THBS4: variants seen among roughly 807,000 people sequenced by gnomAD.
THBS4 encodes thrombospondin 4.
In THBS4, 90 loss-of-function variants were observed where a neutral mutation model predicts 115.7. That is an observed-to-expected ratio of 0.78 (90% CI 0.66 to 0.93). The LOEUF (loss-of-function observed/expected upper bound fraction) is 0.93. THBS4 is among the 40% of genes least tolerant of loss of function. THBS4 has a pLI of 0.00. For missense variants in THBS4, 1,087 were observed against 1,232.7 expected, an observed-to-expected ratio of 0.88 and a Z score of 1.77; for synonymous variants, 460 against 479.3, an observed-to-expected ratio of 0.96 and a Z score of 0.53.
intron 8 of THBS4, among the ~76,000 whole-genome samples, chr5:80,062,551 ATACTTT>A (rs1833671270): frequency 6.6e-6 from 1 of 152,196 alleles, no homozygotes; most frequent in South Asian, 2.1e-4. Flanking sequence ...AGTTATTGTT[ATACTTT>A]AAGTTCTAGG....
intron 1 of THBS4, among the ~76,000 whole-genome samples, chr5:80,037,160 C>T (rs1832745881): frequency 6.6e-6 from 1 of 152,132 alleles, no homozygotes; most frequent in Admixed American, 6.5e-5. Flanking sequence ...ACGTTCTTGA[C>T]TTTTGAACAT....
chr5:80,082,974 G>T (rs1479411710), intron 21 of THBS4, 106 bp from the exon 22 acceptor site: 1 of 660,366 alleles, frequency 1.5e-6, no homozygotes, highest in East Asian at 4.8e-5. Context: ...GGGCGTCCTG[G>T]GCGGGCTAAC....
chr5:80,005,037 C>CA (rs201419028), intron 2 of THBS4, among the ~76,000 whole-genome samples: 76 of 150,692 alleles, frequency 5.0e-4, no homozygotes, highest in Admixed American at 1.8e-3. Flanking sequence ...CACGCCCAGC[C>CA]AAAAAAAACA....
At chr5:80,067,261 C>G (rs1269720634) in intron 9 of THBS4, 1 of 152,016 alleles carries the variant, frequency 6.6e-6, no homozygotes, top group Non-Finnish European at 1.5e-5. Context: ...ATACGTATAT[C>G]ACATCATCAC....
At chr5:79,997,076 G>C (rs7707036) in intron 1 of THBS4, among the ~76,000 whole-genome samples, 1 of 150,452 alleles carries the variant, frequency 6.6e-6, no homozygotes, top group Non-Finnish European at 1.5e-5. Flanking sequence ...AGAAAGCAAG[G>C]GGCCAGCAGG....
At chr5:80,003,449 T>C (rs1831949912) in intron 2 of THBS4, among the ~76,000 whole-genome samples, 1 of 152,152 alleles carries the variant, frequency 6.6e-6, no homozygotes, top group Non-Finnish European at 1.5e-5. Context: ...GGTCACATCA[T>C]GCTGTTTTCC....
At chr5:80,045,342 G>A (rs1166556999) in intron 2 of THBS4, among the ~76,000 whole-genome samples, 2 of 152,152 alleles carry the variant, frequency 1.3e-5, no homozygotes, top group African/African-American at 4.8e-5. Context: ...TGACCAGAGA[G>A]TGTCAGTGAA....
At chr5:80,009,005 A>G (rs1832071082) in intron 2 of THBS4, among the ~76,000 whole-genome samples, 1 of 152,210 alleles carries the variant, frequency 6.6e-6, no homozygotes, top group Admixed American at 6.5e-5. Context: ...ACCAATGGAA[A>G]TGGCTGAGGA....
intron 2 of THBS4, among the ~76,000 whole-genome samples, chr5:80,019,041 G>GTTTTTTTTTTTT (rs537532061): frequency 5.2e-5 from 7 of 135,012 alleles, no homozygotes; most frequent in Non-Finnish European, 9.7e-5. Context: ...CTCTGTGATT[G>GTTTTTTTTTTTT]TTTTTTTTTT....
chr5:80,072,027 C>T (rs896794713), intron 13 of THBS4: 5 of 433,928 alleles, frequency 1.2e-5, no homozygotes, highest in African/African-American at 2.0e-5. Context: ...ATCCCCTCCT[C>T]GTGGTTGCTA....
chr5:80,018,389 C>CTTTTTTTTT (rs35373315), intron 2 of THBS4, among the ~76,000 whole-genome samples: 1 of 100,004 alleles, frequency 1.0e-5, no homozygotes, highest in African/African-American at 4.3e-5. Context: ...TTCAAATATA[C>CTTTTTTTTT]TTTTTTTTTT....
chr5:80,064,048 C>G (rs1016578640), intron 8 of THBS4, among the ~76,000 whole-genome samples: 7 of 152,158 alleles, frequency 4.6e-5, no homozygotes, highest in African/African-American at 1.7e-4. Context: ...AGGCCTAACA[C>G]CCCTGCATAA....
intron 1 of THBS4, among the ~76,000 whole-genome samples, chr5:79,997,237 G>A (rs1162749433): frequency 8.5e-5 from 13 of 152,072 alleles, no homozygotes; most frequent in Non-Finnish European, 1.2e-4. Context: ...TTAAAAGACA[G>A]AAATTGGCAG....
intron 1 of THBS4, among the ~76,000 whole-genome samples, chr5:80,038,306 G>T (rs941744563): frequency 6.6e-6 from 1 of 151,514 alleles, no homozygotes; most frequent in Non-Finnish European, 1.5e-5. Context: ...ATGGAATTAC[G>T]TTATACATAT....
intron 16 of THBS4, 98 bp from the exon 17 acceptor site, chr5:80,077,951 T>C: frequency 9.4e-7 from 1 of 1,069,000 alleles, no homozygotes; most frequent in Non-Finnish European, 1.3e-6. Flanking sequence ...TTGTGGGAGC[T>C]TGAGCCCTTC....
chr5:80,082,941 G>A, intron 21 of THBS4, 139 bp from the exon 22 acceptor site: 1 of 776,790 alleles, frequency 1.3e-6, no homozygotes, highest in Non-Finnish European at 2.2e-6. Context: ...GCCTGCAGGA[G>A]AAAATGGCGG....
At chr5:80,012,719 C>G (rs1013259116) in intron 2 of THBS4, among the ~76,000 whole-genome samples, 1 of 152,144 alleles carries the variant, frequency 6.6e-6, no homozygotes, top group Non-Finnish European at 1.5e-5. Context: ...TCTGAGTGTC[C>G]CCACACCAAA....
At chr5:80,033,580 C>A (rs907020153), upstream of THBS4, among the ~76,000 whole-genome samples, 1 of 152,186 alleles carries the variant, frequency 6.6e-6, no homozygotes, top group Non-Finnish European at 1.5e-5. Context: ...TGTCTACCTT[C>A]TACCTTCTTA....
chr5:80,025,874 A>G (rs971249705), intron 2 of THBS4, among the ~76,000 whole-genome samples: 3 of 152,058 alleles, frequency 2.0e-5, no homozygotes, highest in East Asian at 1.9e-4. Flanking sequence ...CCATTAGTCA[A>G]TTTTTAAATG....
Sources: allele counts gnomAD v4.1 joint callset (sites outside exome capture counted in the v4.1 genomes callset), GRCh38; gene constraint gnomAD v4.1.1; transcripts MANE v1.5; gene names NCBI Gene and HGNC (gene_info 2026-07-23, HGNC 2026-07-21).